Variants in ABTB3 observed in about 807,000 individuals in gnomAD.
ABTB3 encodes the protein ankyrin repeat- and BTB/POZ domain-containing protein 3.
chr12:107,651,709 T>C, the ABTB3 span: 1 of 1,614,180 alleles, frequency 6.2e-7, no homozygotes, highest in Non-Finnish European at 8.5e-7. Flanking sequence ...AGCTGGAGGC[T>C]TTGCAGCGAC....
the ABTB3 span, among the ~76,000 whole-genome samples, chr12:107,633,555 G>A: frequency 6.6e-6 from 1 of 152,142 alleles, no homozygotes; most frequent in South Asian, 2.1e-4. Flanking sequence ...TGCTTCTCAA[G>A]CATGAATGTG....
chr12:107,656,136 CAAA>C, the ABTB3 span, among the ~76,000 whole-genome samples: 15,120 of 129,558 alleles, frequency 0.12, 933 homozygotes, highest in African/African-American at 0.18. Context: ...AAAAAAAATA[CAAA>C]AAAAAAAAAA....
At chr12:107,428,501 C>A in the ABTB3 span, among the ~76,000 whole-genome samples, 1 of 152,174 alleles carries the variant, frequency 6.6e-6, no homozygotes, top group Non-Finnish European at 1.5e-5. Flanking sequence ...AATAAACATC[C>A]CAGCATCCGC....
the ABTB3 span, among the ~76,000 whole-genome samples, chr12:107,353,438 G>T: frequency 2.3e-3 from 344 of 152,308 alleles, 3 homozygotes; most frequent in African/African-American, 7.8e-3. Context: ...GGATCAGACA[G>T]AACTGGGTTC....
At chr12:107,483,409 A>G in the ABTB3 span, among the ~76,000 whole-genome samples, 1 of 152,108 alleles carries the variant, frequency 6.6e-6, no homozygotes, top group South Asian at 2.1e-4. Context: ...TCCCACCAGC[A>G]TGATTTCTTT....
the ABTB3 span, among the ~76,000 whole-genome samples, chr12:107,656,482 T>C: frequency 6.6e-6 from 1 of 152,258 alleles, no homozygotes; most frequent in Non-Finnish European, 1.5e-5. Flanking sequence ...ATGGTATGGC[T>C]GTGTTCCAAT....
At chr12:107,445,906 C>CCCTCTCCCCTCTCT in the ABTB3 span, among the ~76,000 whole-genome samples, 1 of 129,558 alleles carries the variant, frequency 7.7e-6, no homozygotes, top group Non-Finnish European at 1.6e-5. Context: ...CTCCCCTCTC[C>CCCTCTCCCCTCTCT]CTGTCTTCCC....
At chr12:107,539,260 T>A in the ABTB3 span, among the ~76,000 whole-genome samples, 38,437 of 151,974 alleles carry the variant, frequency 0.25, 5,161 homozygotes, top group Admixed American at 0.35. Context: ...AAACATTGTC[T>A]CAGTGCCCGA....
the ABTB3 span, among the ~76,000 whole-genome samples, chr12:107,565,134 G>A: frequency 6.6e-6 from 1 of 152,204 alleles, no homozygotes; most frequent in African/African-American, 2.4e-5. Context: ...GAGAACAGGT[G>A]CAAAGAACTG....
At chr12:107,453,361 G>A in the ABTB3 span, among the ~76,000 whole-genome samples, 34 of 152,314 alleles carry the variant, frequency 2.2e-4, no homozygotes, top group African/African-American at 7.9e-4. Context: ...GTATTAAAAG[G>A]TGGGGCCTTT....
chr12:107,408,397 A>C, the ABTB3 span, among the ~76,000 whole-genome samples: 1 of 152,190 alleles, frequency 6.6e-6, no homozygotes, highest in African/African-American at 2.4e-5. Context: ...GATTGTCAGG[A>C]AATGGTTTAA....
chr12:107,570,476 A>G, the ABTB3 span, among the ~76,000 whole-genome samples: 4 of 152,148 alleles, frequency 2.6e-5, no homozygotes, highest in Non-Finnish European at 5.9e-5. Context: ...CAGCCTCCCA[A>G]GGTGCTGGGA....
At chr12:107,372,567 AT>A in the ABTB3 span, among the ~76,000 whole-genome samples, 2 of 152,114 alleles carry the variant, frequency 1.3e-5, no homozygotes, top group African/African-American at 4.8e-5. Context: ...AATCAGCATA[AT>A]AAACCCCTGA....
the ABTB3 span, among the ~76,000 whole-genome samples, chr12:107,383,099 C>T: frequency 6.6e-6 from 1 of 152,164 alleles, no homozygotes; most frequent in Non-Finnish European, 1.5e-5. Flanking sequence ...AAGGCCCACT[C>T]TGAGGATCAT....
the ABTB3 span, among the ~76,000 whole-genome samples, chr12:107,342,963 T>C: frequency 6.6e-6 from 1 of 152,190 alleles, no homozygotes. Context: ...TGCCCCTCCA[T>C]TGGACTGTAA....
chr12:107,394,807 T>C, the ABTB3 span, among the ~76,000 whole-genome samples: 1 of 152,210 alleles, frequency 6.6e-6, no homozygotes, highest in Admixed American at 6.5e-5. Context: ...ATCATTATGA[T>C]CATCACCACC....
chr12:107,496,844 C>T, the ABTB3 span, among the ~76,000 whole-genome samples: 1 of 152,166 alleles, frequency 6.6e-6, no homozygotes, highest in Non-Finnish European at 1.5e-5. Flanking sequence ...TAAACTGGGG[C>T]AGCCTGGCTG....
chr12:107,354,433 C>A, the ABTB3 span, among the ~76,000 whole-genome samples: 5 of 152,188 alleles, frequency 3.3e-5, no homozygotes, highest in South Asian at 4.2e-4. Flanking sequence ...CTGGCAACCA[C>A]AAATTTATTT....
At chr12:107,643,408 A>G in the ABTB3 span, among the ~76,000 whole-genome samples, 1 of 56,400 alleles carries the variant, frequency 1.8e-5, no homozygotes, top group Non-Finnish European at 4.3e-5. Context: ...ATCTCAAAAA[A>G]AAAAAAAAAA....
Sources: gnomAD v4.1 joint callset for allele counts (sites outside exome capture counted in the v4.1 genomes callset) on GRCh38, gnomAD v4.1.1 for gene constraint, MANE v1.5 for transcripts, NCBI Gene and HGNC (gene_info 2026-07-23, HGNC 2026-07-21) for gene names.